The following HNRNPA2B1 variants were observed in gnomAD, a reference collection of about 807,000 sequenced individuals.
HNRNPA2B1 encodes the protein heterogeneous nuclear ribonucleoproteins A2/B1.
In HNRNPA2B1, 3 loss-of-function variants were observed where a neutral mutation model predicts 46.3. The observed-to-expected ratio is 0.06, with a 90% CI of 0.03 to 0.17. The LOEUF is 0.17. Among genes scored for constraint, HNRNPA2B1 ranks in the 10% least tolerant of loss-of-function variants. The pLI, the probability that HNRNPA2B1 is intolerant of heterozygous loss-of-function variation, is 1.00. For synonymous variants in HNRNPA2B1, 225 were observed against 133.8 expected, an observed-to-expected ratio of 1.68 and a Z score of -4.70; for missense variants, 221 against 418.9, an observed-to-expected ratio of 0.53 and a Z score of 4.12.
intron 2 of HNRNPA2B1, 21 bp from the exon 3 acceptor site, chr7:26,197,482 C>A (rs1384917150): frequency 5.6e-6 from 9 of 1,610,910 alleles, no homozygotes; most frequent in Non-Finnish European, 7.6e-6. Context: ...AAAGGGTAAA[C>A]TTTAGCATTT....
rs376006992 is a variant in HNRNPA2B1, at chr7:26,197,033, G to A, written c.265-16C>T. ...TTCCAGATTCCTAAAATAGTGGTGGGGTAAAAGTCATCCAAACAGAAAAAA... is the reference window on the plus strand; with the variant it reads ...TTCCAGATTCCTAAAATAGTGGTGGAGTAAAAGTCATCCAAACAGAAAAAA... On this transcript the variant is annotated splice_polypyrimidine_tract_variant and intron_variant, in intron 3 of 10. Transcript: ENST00000618183. 9 of 1,586,362 alleles carry A rather than the reference G, an allele frequency of 5.7e-6. No homozygotes were observed. Among genetic ancestry groups the A allele is most frequent in the Non-Finnish European group, 7.8e-6 (9 of 1,160,590 alleles).
rs916301830 is a variant in HNRNPA2B1, at chr7:26,200,188, G to A, written c.6+384C>T. 3.6e-5 allele frequency: 10 copies of A among 280,826 alleles called. No individual in the cohort carries two copies. The Admixed American group carries it at 3.9e-4, about 11-fold the overall frequency. 17.4% of individuals were successfully genotyped at this position (280,826 alleles called of 1,614,324 possible). A position where few individuals can be genotyped will look rare whatever the true frequency, so the allele number is the denominator to read the frequency against. ...AGAGAGGGGGAGGGGAAGCTCCGCA[G>A]CCTCGCTCACGAGGACCTGCTGCCC... On this transcript the variant is annotated intron_variant, in intron 1 of 10. Coordinates refer to ENST00000618183, the MANE Select transcript of HNRNPA2B1 (RefSeq NM_002137.4).
intron 7 of HNRNPA2B1, among the ~76,000 whole-genome samples, chr7:26,195,093 A>C (rs1430059168): frequency 2.3e-5 from 2 of 87,854 alleles, no homozygotes; most frequent in Admixed American, 1.2e-4. Context: ...GCTCCGTCTC[A>C]AAAAAAAAAA....
In HNRNPA2B1 at chr7:26,197,035, TAA is replaced by T. The variant is rs914794230; in HGVS notation, c.265-20_265-19del. On this transcript the variant is annotated intron_variant, in intron 3 of 10. Transcript: ENST00000618183. ...CCAGATTCCTAAAATAGTGGTGGGG[TAA>T]AAGTCATCCAAACAGAAAAAAACAC... The T allele has an allele frequency of 6.3e-7, 1 of 1,582,310 alleles. No homozygotes were observed. Among genetic ancestry groups the T allele is most frequent in the Non-Finnish European group, 8.6e-7 (1 of 1,156,994 alleles).
In HNRNPA2B1 at chr7:26,196,651, T is replaced by C. The variant is rs564435160; in HGVS notation, c.483A>G (p.Lys161=). 3.3e-5 allele frequency: 54 copies of C among 1,613,008 alleles called. 1 individual carries two copies. The South Asian group carries it at 5.6e-4, about 17-fold the overall frequency. Residue 161 remains lysine (K), a synonymous_variant, in exon 5 of 11, where the codon AAA becomes AAG. Transcript: ENST00000618183. The part of the protein sequence containing the change: ...HDPVDKIVLQ[K]YHTINGHNAE... ...CATTATGACCATTGATGGTATGGTA[T>C]TTCTGCACTGGAATGAAAAATTCAG...
At chr7:26,194,629 A>G (rs1396789589) in intron 7 of HNRNPA2B1, among the ~76,000 whole-genome samples, 1 of 150,088 alleles carries the variant, frequency 6.7e-6, no homozygotes, top group African/African-American at 2.5e-5. Context: ...TGAGACTAAG[A>G]TTGCAGTAAG....
At chr7:26,200,439 C>T in intron 1 of HNRNPA2B1, 133 bp downstream of exon 1, 2 of 895,312 alleles carry the variant, frequency 2.2e-6, no homozygotes, top group South Asian at 1.3e-5. Context: ...GTTCATAAAC[C>T]TTAAGCCCCA....
In HNRNPA2B1 at chr7:26,193,154, C is replaced by A. The variant is rs1010821856; in HGVS notation, c.964+97G>T. On this transcript the variant is annotated intron_variant, in intron 9 of 10. Coordinates refer to ENST00000618183, the MANE Select transcript of HNRNPA2B1 (RefSeq NM_002137.4). Reference sequence around the variant, plus strand: ...AAGACCGTACATGGAGCACTGCCCACAGTACAAACTACTTAGTATGTTATC... The same window carrying A: ...AAGACCGTACATGGAGCACTGCCCAAAGTACAAACTACTTAGTATGTTATC... 8 of 1,196,806 alleles carry A rather than the reference C, an allele frequency of 6.7e-6. No homozygotes were observed. In the East Asian group the frequency reaches 1.6e-4, roughly 25 times the overall value. 74.1% of individuals were successfully genotyped at this position (1,196,806 alleles called of 1,614,324 possible).
intron 1 of HNRNPA2B1, chr7:26,198,089 T>G: frequency 7.9e-6 from 3 of 378,078 alleles, no homozygotes; most frequent in Non-Finnish European, 1.4e-5. Flanking sequence ...AAAGGATTAT[T>G]AAAGAATCTT....
intron 1 of HNRNPA2B1, chr7:26,200,016 T>G (rs1035662309): frequency 1.9e-5 from 3 of 158,686 alleles, no homozygotes; most frequent in African/African-American, 7.3e-5. Context: ...CGAAACGATA[T>G]GAAAACAGCC....
chr7:26,190,579 T>G lies in HNRNPA2B1; in HGVS notation c.*1781A>C, dbSNP rs1183741539. ...ACTCATTGGTGTATAGAGTAAGCCC[T>G]GAGTATCACATTCCTGTAAAGGCAA... On this transcript the variant is annotated 3_prime_UTR_variant, in exon 11 of 11. Coordinates refer to ENST00000618183, the MANE Select transcript of HNRNPA2B1 (RefSeq NM_002137.4). The G allele has an allele frequency of 6.6e-6, 1 of 152,342 alleles. No individual in the cohort carries two copies. Among genetic ancestry groups the G allele is most frequent in the East Asian group, 1.9e-4 (1 of 5,186 alleles). The allele number at this position is 152,342 out of a possible 1,614,324, so 9.4% of individuals were successfully genotyped here. A position where few individuals can be genotyped will look rare whatever the true frequency, so the allele number is the denominator to read the frequency against.
In HNRNPA2B1 at chr7:26,193,274, T is replaced by C; in HGVS notation, c.941A>G (p.Asn314Ser). The change falls in exon 9 of 11, where the codon AAC (asparagine) becomes AGC (serine). Residue 314 changes from asparagine to serine, a missense_variant. Transcript: ENST00000618183. ...ACCTCCACCATATGGTCCCCCCATGTTCCTGCTACCACCAAAGTTTCCACT... is the reference window on the plus strand; with the variant it reads ...ACCTCCACCATATGGTCCCCCCATGCTCCTGCTACCACCAAAGTTTCCACT... ...MKSGNFGGSR[N>S]MGGPYGGGNY... 1 of 1,613,896 alleles carries C rather than the reference T, an allele frequency of 6.2e-7. No individual in the cohort carries two copies. Among genetic ancestry groups the C allele is most frequent in the Non-Finnish European group, 8.5e-7 (1 of 1,179,820 alleles).
At chr7:26,197,900 A>C in intron 1 of HNRNPA2B1, 168 bp from the exon 2 acceptor site, 5 of 1,541,468 alleles carry the variant, frequency 3.2e-6, no homozygotes, top group Non-Finnish European at 4.4e-6. Context: ...ATCAAATTTA[A>C]ACCATATGTT....
intron 9 of HNRNPA2B1, 133 bp from the exon 10 acceptor site, chr7:26,192,710 T>C (rs1783038560): frequency 4.1e-6 from 3 of 731,720 alleles, no homozygotes; most frequent in Non-Finnish European, 4.7e-6. Context: ...TGCAGCCAGT[T>C]AGCAGAATTA....
At chr7:26,197,876 A>T in intron 1 of HNRNPA2B1, 144 bp from the exon 2 acceptor site, 1 of 1,578,598 alleles carries the variant, frequency 6.3e-7, no homozygotes, top group Non-Finnish European at 8.6e-7. Context: ...TCTGGGGGGA[A>T]AAAAAAAACT....
At chr7:26,198,207 T>G in intron 1 of HNRNPA2B1, 1 of 197,760 alleles carries the variant, frequency 5.1e-6, no homozygotes, top group African/African-American at 2.3e-5. Context: ...ATTTCACTAT[T>G]CAATATCTGA....
chr7:26,190,330 T>C lies in HNRNPA2B1; in HGVS notation c.*2030A>G, dbSNP rs374851780. 2 of 152,538 alleles carry C rather than the reference T, an allele frequency of 1.3e-5. No individual in the cohort carries two copies. Among genetic ancestry groups the C allele is most frequent in the African/African-American group, 4.8e-5 (2 of 41,442 alleles). 9.4% of individuals were successfully genotyped at this position (152,538 alleles called of 1,614,324 possible). On this transcript the variant is annotated 3_prime_UTR_variant, in exon 11 of 11. Coordinates refer to ENST00000618183, the MANE Select transcript of HNRNPA2B1 (RefSeq NM_002137.4). The stretch of plus-strand genomic sequence containing the variant: ...TTGTTTTATCAGAAAACATTTCCCT[T>C]TTATTTTAAAGAGTGCTTTTTAAAT...
At position 26,191,516 on chromosome 7, in the gene HNRNPA2B1, A is replaced by G. The variant is rs1014795740; in HGVS notation, c.*844T>C. ...AACTACTGTAGTTAAAGTTTTGTAG[A>G]AACAGCACAGTTTTTTAAGACTGGC... On this transcript the variant is annotated 3_prime_UTR_variant, in exon 11 of 11. Coordinates refer to ENST00000618183, the MANE Select transcript of HNRNPA2B1 (RefSeq NM_002137.4). 4 of 152,200 alleles carry G rather than the reference A, an allele frequency of 2.6e-5. No individual in the cohort carries two copies. Among genetic ancestry groups the G allele is most frequent in the Admixed American group, 6.5e-5 (1 of 15,272 alleles). The allele number at this position is 152,200 out of a possible 1,614,324, so 9.4% of individuals were successfully genotyped here.
At chr7:26,196,311 G>T in intron 6 of HNRNPA2B1, 90 bp downstream of exon 6, 1 of 1,067,416 alleles carries the variant, frequency 9.4e-7, no homozygotes, top group South Asian at 1.5e-5. Flanking sequence ...ATTGACTTAG[G>T]TTGGATTTCT....
Sources: gnomAD v4.1 joint callset for allele counts (sites outside exome capture counted in the v4.1 genomes callset) on GRCh38, gnomAD v4.1.1 for gene constraint, MANE v1.5 for transcripts, NCBI Gene and HGNC (gene_info 2026-07-23, HGNC 2026-07-21) for gene names.